The following TBC1D2B variants were observed in gnomAD, a reference collection of about 807,000 sequenced individuals.
TBC1D2B encodes TBC1 domain family member 2B, also known as TBC1 domain family, member 2B.
In TBC1D2B, 64 loss-of-function variants were observed where a neutral mutation model predicts 100.8. The observed-to-expected ratio is 0.64, with a 90% CI of 0.52 to 0.78. TBC1D2B has a LOEUF of 0.78. Ranked by LOEUF, TBC1D2B falls within the 30% of genes least tolerant of loss-of-function variation. The pLI, the probability that TBC1D2B is intolerant of heterozygous loss-of-function variation, is 0.00. For synonymous variants in TBC1D2B, 480 were observed against 479.7 expected, an observed-to-expected ratio of 1.00 and a Z score of -0.01; for missense variants, 1,052 against 1,218.4, an observed-to-expected ratio of 0.86 and a Z score of 2.03.
chr15:78,068,387 A>ACACACACACC (rs776370529), intron 1 of TBC1D2B, among the ~76,000 whole-genome samples: 1 of 134,318 alleles, frequency 7.4e-6, no homozygotes, highest in Non-Finnish European at 1.6e-5. Flanking sequence ...CCACACCCAC[A>ACACACACACC]CACACACACA....
intron 6 of TBC1D2B, among the ~76,000 whole-genome samples, chr15:78,023,283 C>T (rs779336436): frequency 2.0e-5 from 3 of 152,176 alleles, no homozygotes; most frequent in Non-Finnish European, 4.4e-5. Flanking sequence ...TAGCTACAGA[C>T]ATGTCTGGGG....
rs1392626039 is a variant in TBC1D2B, at chr15:78,040,422, G to C, written c.683+4478C>G. 3.3e-5 allele frequency among the ~76,000 whole-genome samples: 5 copies of C among 152,066 alleles called. No homozygotes were observed. In the South Asian group the frequency reaches 8.3e-4, roughly 25 times the overall value. On this transcript the variant is annotated intron_variant, in intron 3 of 12. Coordinates refer to ENST00000300584, the MANE Select transcript of TBC1D2B (RefSeq NM_144572.2). The stretch of plus-strand genomic sequence containing the variant: ...GGGGATACTGGGCATGGTGACACGT[G>C]CCTAAATTTCCAGCTACTCGGGGGG...
intron 3 of TBC1D2B, among the ~76,000 whole-genome samples, chr15:78,040,830 AG>A (rs1384801136): frequency 8.4e-6 from 1 of 119,272 alleles, no homozygotes; most frequent in South Asian, 2.7e-4. Context: ...AAAGAAGGAA[AG>A]AAAGAAAAAA....
At chr15:78,029,194 C>A (rs113123181) in intron 4 of TBC1D2B, among the ~76,000 whole-genome samples, 2 of 151,728 alleles carry the variant, frequency 1.3e-5, no homozygotes, top group African/African-American at 2.4e-5. Flanking sequence ...GTAGCTGGGA[C>A]TACAGGCGCC....
At chr15:78,034,888 GAC>G (rs987911016) in intron 3 of TBC1D2B, among the ~76,000 whole-genome samples, 2 of 152,224 alleles carry the variant, frequency 1.3e-5, no homozygotes, top group African/African-American at 4.8e-5. Context: ...AGACTTCTCA[GAC>G]ACACTCACCC....
At chr15:78,074,366 C>A (rs549390993) in intron 1 of TBC1D2B, among the ~76,000 whole-genome samples, 55 of 152,310 alleles carry the variant, frequency 3.6e-4, no homozygotes, top group African/African-American at 1.3e-3. Flanking sequence ...TTTCCATTCC[C>A]ATTGTTGTAT....
intron 12 of TBC1D2B, 28 bp from the exon 13 acceptor site, chr15:77,998,383 G>A (rs2071820417): frequency 6.5e-7 from 1 of 1,541,748 alleles, no homozygotes; most frequent in Middle Eastern, 1.7e-4. Flanking sequence ...AGAGACAAGA[G>A]AATCAGCGGC....
At chr15:78,016,458 G>A in intron 8 of TBC1D2B, 88 bp downstream of exon 8, 6 of 1,261,980 alleles carry the variant, frequency 4.8e-6, no homozygotes, top group Non-Finnish European at 6.7e-6. Context: ...ACACAGTTGT[G>A]TACGGCTCTC....
intron 1 of TBC1D2B, among the ~76,000 whole-genome samples, chr15:78,057,353 C>A (rs1341052527): frequency 6.6e-6 from 1 of 151,738 alleles, no homozygotes; most frequent in East Asian, 1.9e-4. Context: ...AAAAAAAAAA[C>A]CTAAACAGGC....
At chr15:78,071,816 C>A (rs2073746656) in intron 1 of TBC1D2B, among the ~76,000 whole-genome samples, 1 of 152,192 alleles carries the variant, frequency 6.6e-6, no homozygotes, top group Non-Finnish European at 1.5e-5. Context: ...TTAGTCGGTT[C>A]AGGCTGTTAT....
intron 3 of TBC1D2B, among the ~76,000 whole-genome samples, chr15:78,036,129 G>A (rs1432236364): frequency 6.6e-6 from 1 of 152,246 alleles, no homozygotes; most frequent in Admixed American, 6.5e-5. Flanking sequence ...TACACACAGA[G>A]CGAAGTTCAG....
intron 1 of TBC1D2B, among the ~76,000 whole-genome samples, chr15:78,062,072 G>C (rs2073557746): frequency 6.6e-6 from 1 of 152,156 alleles, no homozygotes; most frequent in Non-Finnish European, 1.5e-5. Flanking sequence ...CTGAAAGCTA[G>C]AAGGACAGAC....
intron 1 of TBC1D2B, among the ~76,000 whole-genome samples, chr15:78,068,358 T>C (rs551727641): frequency 1.2e-4 from 18 of 145,502 alleles, no homozygotes; most frequent in Non-Finnish European, 2.4e-4. Flanking sequence ...CGTTTCACCA[T>C]GAAATGAAAG....
At chr15:78,059,304 T>G (rs1193132513) in intron 1 of TBC1D2B, among the ~76,000 whole-genome samples, 1 of 152,212 alleles carries the variant, frequency 6.6e-6, no homozygotes, top group Non-Finnish European at 1.5e-5. Context: ...GTGTCCTGAA[T>G]ATAAACACTC....
In TBC1D2B at chr15:78,037,310, C is replaced by A. The variant is rs140786731; in HGVS notation, c.684-7140G>T. ...CCTTGCCTCTGCATGGGTGTCCTTG[C>A]ACTTGCATTCCCCTTTGGACAGTCC... On this transcript the variant is annotated intron_variant, in intron 3 of 12. Coordinates refer to ENST00000300584, the MANE Select transcript of TBC1D2B (RefSeq NM_144572.2). Among the ~76,000 whole-genome samples, 750 of 152,310 alleles carry A rather than the reference C, an allele frequency of 4.9e-3. 3 individuals are homozygous for A. The highest frequency in any genetic ancestry group is 7.5e-3 in the Non-Finnish European group (511 of 68,028).
intron 1 of TBC1D2B, among the ~76,000 whole-genome samples, chr15:78,065,856 C>T (rs2073645229): frequency 6.6e-6 from 1 of 152,092 alleles, no homozygotes; most frequent in Admixed American, 6.5e-5. Flanking sequence ...AGCCAGGTAC[C>T]AGGAACCCGC....
intron 1 of TBC1D2B, among the ~76,000 whole-genome samples, chr15:78,055,562 G>A (rs1018612019): frequency 2.0e-5 from 3 of 152,206 alleles, no homozygotes; most frequent in African/African-American, 7.2e-5. Context: ...AGGCCTGACA[G>A]CAAGAGATAG....
At chr15:78,070,256 C>T (rs1374102391) in intron 1 of TBC1D2B, among the ~76,000 whole-genome samples, 2 of 151,982 alleles carry the variant, frequency 1.3e-5, no homozygotes, top group Admixed American at 6.6e-5. Flanking sequence ...TCCACCCCCA[C>T]CCCCGCTCCA....
At chr15:78,016,309 CCTTA>C (rs1231310680) in intron 8 of TBC1D2B, among the ~76,000 whole-genome samples, 1 of 152,052 alleles carries the variant, frequency 6.6e-6, no homozygotes, top group East Asian at 1.9e-4. Context: ...AGGAAGGCTC[CCTTA>C]CTTACACGAA....
Sources: allele counts gnomAD v4.1 joint callset (sites outside exome capture counted in the v4.1 genomes callset), GRCh38; gene constraint gnomAD v4.1.1; transcripts MANE v1.5; gene names NCBI Gene and HGNC (gene_info 2026-07-23, HGNC 2026-07-21).